The following RRM2 variants were observed in gnomAD, a reference collection of about 807,000 sequenced individuals.
The protein encoded by RRM2 is ribonucleotide reductase regulatory subunit M2.
A neutral mutation model predicts 45.9 loss-of-function variants in RRM2; 6 were observed. The ratio of observed to expected loss-of-function variants is 0.13; its 90% CI spans 0.07 to 0.26. The LOEUF is 0.26. RRM2 is among the 10% of genes least tolerant of loss of function. The pLI, the probability that RRM2 is intolerant of heterozygous loss-of-function variation, is 1.00. For missense variants in RRM2, 343 were observed against 489.5 expected (o/e 0.70, Z 2.82); for synonymous variants, 177 against 173.0 (o/e 1.02, Z -0.18).
At chr2:10,199,803 A>AAAAAAAAAAAAAAAAAAAC (rs1664507393) in intron 3 of RRM2, among the ~76,000 whole-genome samples, 1 of 150,414 alleles carries the variant, frequency 6.6e-6, no homozygotes, top group African/African-American at 2.5e-5. Context: ...AAAAAAAAAA[A>AAAAAAAAAAAAAAAAAAAC]AAAAAACAAA....
chr2:10,199,779 CAA>C (rs796262395), intron 3 of RRM2, among the ~76,000 whole-genome samples: 15 of 14,294 alleles, frequency 1.0e-3, no homozygotes, highest in African/African-American at 1.5e-3. Context: ...GACTCAGTCT[CAA>C]AAAAAAAAAA....
At chr2:10,158,308 C>A (rs1456648525) in intron 3 of RRM2, among the ~76,000 whole-genome samples, 1 of 152,140 alleles carries the variant, frequency 6.6e-6, no homozygotes, top group Admixed American at 6.5e-5. Context: ...AAAGCGCTCG[C>A]GAACTTCCTG....
rs1193278843 is a variant in RRM2, at chr2:10,172,363, G to A, written n.482+29988G>A. On this transcript the variant is annotated intron_variant and non_coding_transcript_variant, in intron 3 of 3. Coordinates refer to the RRM2 transcript ENST00000381786. The surrounding 1 kb of genome is among the most constrained non-coding windows in gnomAD (Gnocchi z 4.9). ...GCCTCCATCTGACCCTGCTCCGGAG[G>A]GACCAGGGGAGGGGCGGACGGAGGA... is the stretch of plus-strand genomic sequence containing the variant. Among the ~76,000 whole-genome samples the A allele has an allele frequency of 6.6e-6, 1 of 152,126 alleles. No individual in the cohort carries two copies. The highest frequency in any genetic ancestry group is 1.5e-5 in the Non-Finnish European group (1 of 68,026).
In RRM2 at chr2:10,129,177, T is replaced by C. The variant is rs934549855; in HGVS notation, c.1017+23T>C. On this transcript the variant is annotated intron_variant, in intron 9 of 9. Transcript: ENST00000304567. The surrounding 1 kb of genome is among the most constrained non-coding windows in gnomAD (Gnocchi z 4.8). The stretch of plus-strand genomic sequence containing the variant: ...AAGGTAAAGTATTGTTTACATAGCC[T>C]TTTGCTTGTTTTGAAGCTGGTGCTC... 19 of 1,613,684 alleles carry C rather than the reference T, an allele frequency of 1.2e-5. No homozygotes were observed. The highest frequency in any genetic ancestry group is 1.5e-5 in the Non-Finnish European group (18 of 1,179,690).
At chr2:10,160,917 G>T (rs1013929892) in intron 3 of RRM2, among the ~76,000 whole-genome samples, 3 of 152,112 alleles carry the variant, frequency 2.0e-5, no homozygotes, top group South Asian at 4.1e-4. Context: ...TCTGAAGCTG[G>T]CCTGGCCCTG....
chr2:10,198,541 T>C (rs1405465705), intron 3 of RRM2: 1 of 152,166 alleles, frequency 6.6e-6, no homozygotes, highest in African/African-American at 2.4e-5. Context: ...TAGCTGAGGA[T>C]ACAGACGTGC....
intron 3 of RRM2, among the ~76,000 whole-genome samples, chr2:10,182,688 A>G (rs1421205146): frequency 6.6e-6 from 1 of 152,204 alleles, no homozygotes; most frequent in Non-Finnish European, 1.5e-5. Context: ...CCTTAATAGG[A>G]TGAGCCATGA....
Position 10,142,685 on chromosome 2 carries a change from C to T in RRM2, n.482+310C>T, listed in dbSNP as rs185641769. ...ACCATGGCCAGATCCCCCACCCCAC[C>T]TTCACCCTCCGCCAGTCCATTGCAC... On this transcript the variant is annotated intron_variant and non_coding_transcript_variant, in intron 3 of 3. Transcript: ENST00000381786. Among the ~76,000 whole-genome samples, 519 of 152,264 alleles carry T rather than the reference C, an allele frequency of 3.4e-3. 4 individuals are homozygous for T. The highest frequency in any genetic ancestry group is 0.012 in the African/African-American group (490 of 41,546).
chr2:10,210,265 G>T (rs1664734493), intron 3 of RRM2: 2 of 1,295,174 alleles, frequency 1.5e-6, no homozygotes, highest in South Asian at 1.2e-5. Flanking sequence ...GCATGGGTTG[G>T]ATGATCTTGG....
intron 3 of RRM2, among the ~76,000 whole-genome samples, chr2:10,147,927 TC>T (rs1285524457): frequency 6.6e-6 from 1 of 151,992 alleles, no homozygotes; most frequent in Non-Finnish European, 1.5e-5. Context: ...GGTGGATCAC[TC>T]GAGGTCAGGA....
intron 3 of RRM2, among the ~76,000 whole-genome samples, chr2:10,165,605 C>T (rs1298097362): frequency 1.3e-5 from 2 of 152,224 alleles, no homozygotes; most frequent in African/African-American, 2.4e-5. Flanking sequence ...CAGTTTTAAA[C>T]AAGCTCTGGA....
At chr2:10,162,006 C>T (rs934084469) in intron 3 of RRM2, among the ~76,000 whole-genome samples, 14 of 152,350 alleles carry the variant, frequency 9.2e-5, no homozygotes, top group Non-Finnish European at 2.1e-4. Context: ...CACTGGGCAG[C>T]CGGGAAACCG....
chr2:10,189,685 GT>G (rs1664243920), intron 3 of RRM2, among the ~76,000 whole-genome samples: 1 of 152,246 alleles, frequency 6.6e-6, no homozygotes, highest in African/African-American at 2.4e-5. Flanking sequence ...TCCTAGTCTA[GT>G]TTTTTCATTC....
intron 3 of RRM2, among the ~76,000 whole-genome samples, chr2:10,143,715 G>A (rs1238443659): frequency 1.3e-5 from 2 of 152,060 alleles, no homozygotes; most frequent in Admixed American, 6.5e-5. Context: ...TCTGTCGCCA[G>A]GTGGTACAGT....
intron 3 of RRM2, among the ~76,000 whole-genome samples, chr2:10,193,040 C>T (rs1410527588): frequency 5.3e-5 from 8 of 152,220 alleles, no homozygotes; most frequent in Admixed American, 5.2e-4. Context: ...CTGCTCTGAG[C>T]AGCCCCTAGT....
At position 10,126,914 on chromosome 2, in the gene RRM2, CAAG is replaced by C. The variant is rs748196196; in HGVS notation, c.616_618del (p.Lys206del). ...ATGCCATTGAAACGATGCCTTGTGT[CAAG>C]AAGAAGGCAGACTGGGCCTTGCGCT... On this transcript the variant is annotated inframe_deletion, in exon 6 of 10. Transcript: ENST00000304567. 4 of 1,613,978 alleles carry C rather than the reference CAAG, an allele frequency of 2.5e-6. No individual in the cohort carries two copies. Among genetic ancestry groups the C allele is most frequent in the East Asian group, 2.2e-5 (1 of 44,900 alleles).
downstream of RRM2, among the ~76,000 whole-genome samples, chr2:10,131,930 C>T (rs1041963107): frequency 3.9e-5 from 6 of 152,212 alleles, no homozygotes; most frequent in East Asian, 5.8e-4. Context: ...ACTTCTCAAC[C>T]GTGGGGGAGC....
chr2:10,182,877 CTT>C (rs1449458137), intron 3 of RRM2, among the ~76,000 whole-genome samples: 3 of 152,118 alleles, frequency 2.0e-5, no homozygotes, highest in Non-Finnish European at 2.9e-5. Flanking sequence ...AACGCAGACT[CTT>C]TTAAAAGTGG....
intron 3 of RRM2, among the ~76,000 whole-genome samples, chr2:10,167,093 C>G (rs1047465433): frequency 6.6e-6 from 1 of 152,204 alleles, no homozygotes; most frequent in Non-Finnish European, 1.5e-5. Context: ...TGACACCTGT[C>G]AAGAGCCCTG....
Sources: allele counts gnomAD v4.1 joint callset (sites outside exome capture counted in the v4.1 genomes callset), GRCh38; gene constraint gnomAD v4.1.1; non-coding constraint Gnocchi (gnomAD v3.1); transcripts MANE v1.5; gene names NCBI Gene and HGNC (gene_info 2026-07-23, HGNC 2026-07-21).